The following ATP2B3 variants were observed in gnomAD, a reference collection of about 807,000 sequenced individuals.
The protein encoded by ATP2B3 is plasma membrane calcium-transporting ATPase 3.
A neutral mutation model predicts 70.8 loss-of-function variants in ATP2B3; 12 were observed. That is an observed-to-expected ratio of 0.17 (90% CI 0.11 to 0.27). The LOEUF is 0.27. ATP2B3 is among the 10% of genes least tolerant of loss of function. ATP2B3 has a pLI of 1.00. For missense variants in ATP2B3, 858 were observed against 1,118.5 expected, an observed-to-expected ratio of 0.77 and a Z score of 3.32; for synonymous variants, 460 against 497.8, an observed-to-expected ratio of 0.92 and a Z score of 1.01.
intron 18 of ATP2B3, among the ~76,000 whole-genome samples, 200 bp from the exon 19 acceptor site, chrX:153,560,476 C>T (rs1603100492): frequency 9.0e-6 from 1 of 111,615 alleles, no homozygotes; most frequent in African/African-American, 3.3e-5. Context: ...GGGTCTGGCC[C>T]CTGGCCCAGA....
intron 17 of ATP2B3, chrX:153,559,458 C>T (rs182958872): frequency 8.1e-6 from 3 of 370,687 alleles, no homozygotes; most frequent in East Asian, 8.7e-5. Flanking sequence ...ACCCCATCGT[C>T]GGGCTGTTTT....
intron 3 of ATP2B3, among the ~76,000 whole-genome samples, chrX:153,538,016 G>A (rs951953105): frequency 2.7e-5 from 3 of 112,702 alleles, no homozygotes; most frequent in African/African-American, 9.6e-5. Flanking sequence ...AGTGCAGGGA[G>A]CCGGCCAGGC....
rs781809545 is a variant in ATP2B3 at position 153,550,062 on chromosome X, C to T, written c.1599C>T (p.Gly533=). 5 of 1,210,296 alleles carry T rather than the reference C, an allele frequency of 4.1e-6. No individual in the cohort carries two copies. Among genetic ancestry groups the T allele is most frequent in the Admixed American group, 2.2e-5 (1 of 46,111 alleles). The change falls in exon 12 of 22, where the codon GGC becomes GGT. Residue 533 remains glycine (G), a synonymous_variant. Coordinates refer to ENST00000263519, the MANE Select transcript of ATP2B3 (RefSeq NM_001001344.3). ...TCTTGCAGCCTCCTGAGAAGGAAGG[C>T]GCCCTCCCACGCCAGGTGGGCAATA... ...TTKILPPEKE[G]ALPRQVGNKT... is the part of the protein sequence containing the mutation.
At chrX:153,549,179 G>A (rs1205039149) in intron 10 of ATP2B3, among the ~76,000 whole-genome samples, 1 of 100,301 alleles carries the variant, frequency 1.0e-5, no homozygotes, top group Non-Finnish European at 2.0e-5. Flanking sequence ...GGCAGTGGGA[G>A]GAGGTGGGGG....
At chrX:153,555,873 T>C (rs2090526429) in intron 13 of ATP2B3, among the ~76,000 whole-genome samples, 176 bp from the exon 14 acceptor site, 1 of 112,990 alleles carries the variant, frequency 8.9e-6, no homozygotes, top group Non-Finnish European at 1.9e-5. Flanking sequence ...TTGTGTTCAA[T>C]GCTTTTGCCC....
chrX:153,552,736 A>AAAGCAGGGCGT (rs1557011966), intron 12 of ATP2B3, among the ~76,000 whole-genome samples: 1 of 112,302 alleles, frequency 8.9e-6, no homozygotes, highest in African/African-American at 3.2e-5. Flanking sequence ...CGGAAGTCCA[A>AAAGCAGGGCGT]AAGCAGGGCG....
intron 21 of ATP2B3, among the ~76,000 whole-genome samples, chrX:153,578,597 C>T (rs543614713): frequency 8.9e-6 from 1 of 112,351 alleles, no homozygotes; most frequent in South Asian, 3.7e-4. Context: ...AGTGCCCTGC[C>T]GGAGGGTCAG....
chrX:153,540,118 C>T (rs1311367995), intron 3 of ATP2B3, among the ~76,000 whole-genome samples: 4 of 112,359 alleles, frequency 3.6e-5, no homozygotes, highest in African/African-American at 1.3e-4. Context: ...TCACCGGGTC[C>T]TGTCGGGCAG....
At chrX:153,566,285 T>C (rs1440784934) in intron 21 of ATP2B3, among the ~76,000 whole-genome samples, 9 of 112,297 alleles carry the variant, frequency 8.0e-5, no homozygotes, top group African/African-American at 2.9e-4. Flanking sequence ...CTGACCCTCC[T>C]CCCTGAGGTC....
At chrX:153,518,025 C>G (rs2089902168) in intron 1 of ATP2B3, 150 bp downstream of exon 1, 1 of 110,526 alleles carries the variant, frequency 9.0e-6, no homozygotes, top group Non-Finnish European at 1.9e-5. Context: ...ACCTGAGCCC[C>G]GCGCCGGGCC....
intron 2 of ATP2B3, among the ~76,000 whole-genome samples, chrX:153,530,939 A>T (rs782543832): frequency 2.7e-4 from 30 of 111,992 alleles, no homozygotes; most frequent in African/African-American, 7.5e-4. Context: ...AGCTGCAGCG[A>T]CGGTGCCTCT....
Position 153,553,091 on chromosome X carries a change from G to C in ATP2B3, c.1880G>C (p.Arg627Pro). The C allele has an allele frequency of 5.8e-6, 7 of 1,208,591 alleles. No individual in the cohort carries two copies. The highest frequency in any genetic ancestry group is 7.8e-6 in the Non-Finnish European group (7 of 892,890). The change falls in exon 13 of 22, where the codon CGG becomes CCG. Residue 627 changes from arginine (R) to proline (P), a missense_variant. Around this residue, in one of 5 missense-constraint regions of ATP2B3, gnomAD observed 242 missense variants for 281.3 expected, o/e 0.86. Coordinates refer to ENST00000263519, the MANE Select transcript of ATP2B3 (RefSeq NM_001001344.3). ...CTCCGGGGCTTTCGGCCTCGGGACCGGGACGACATGGTGAGGAAGATCATC... is the reference window on the plus strand; with the variant it reads ...CTCCGGGGCTTTCGGCCTCGGGACCCGGACGACATGGTGAGGAAGATCATC... ...GELRGFRPRDRDDMVRKIIEP... is the reference protein window; with the variant it reads ...GELRGFRPRDPDDMVRKIIEP...
intron 19 of ATP2B3, among the ~76,000 whole-genome samples, chrX:153,561,930 G>A (rs1557016455): frequency 1.8e-5 from 2 of 112,652 alleles, no homozygotes; most frequent in Non-Finnish European, 3.8e-5. Context: ...TCCGAGGCTG[G>A]AGTCAGTAGG....
intron 5 of ATP2B3, 88 bp from the exon 6 acceptor site, chrX:153,542,235 A>T (rs1056215811): frequency 6.4e-5 from 74 of 1,155,946 alleles, no homozygotes; most frequent in Non-Finnish European, 8.1e-5. Flanking sequence ...TCCCTTTCCC[A>T]GGCGGCCCAT....
Position 153,548,772 on chromosome X carries a change from T to C in ATP2B3, c.1256T>C (p.Ile419Thr). Residue 419 changes from isoleucine to threonine, a missense_variant, in exon 10 of 22, where the codon ATC (isoleucine) becomes ACC (threonine). Ile to Thr is a moderately conservative substitution (Grantham distance 89, BLOSUM62 -1). Around this residue, in one of 5 missense-constraint regions of ATP2B3, gnomAD observed 278 missense variants for 366.2 expected, o/e 0.76. Transcript: ENST00000263519. ...VYVQYFVKFFIIGVTVLVVAV... is the reference protein window; with the variant it reads ...VYVQYFVKFFTIGVTVLVVAV... Reference sequence around the variant, plus strand: ...GTACAATACTTCGTGAAGTTCTTCATCATTGGTGTCACTGTGCTGGTCGTG... The same window carrying C: ...GTACAATACTTCGTGAAGTTCTTCACCATTGGTGTCACTGTGCTGGTCGTG... 8.3e-7 allele frequency: 1 copy of C among 1,211,877 alleles called. No individual in the cohort carries two copies. Among genetic ancestry groups the C allele is most frequent in the Middle Eastern group, 2.3e-4 (1 of 4,341 alleles).
At position 153,562,198 on chromosome X, in the gene ATP2B3, C is replaced by T. The variant is rs782241469; in HGVS notation, c.3115C>T (p.Leu1039Phe). 3 of 1,212,133 alleles carry T rather than the reference C, an allele frequency of 2.5e-6. No homozygotes were observed. The highest frequency in any genetic ancestry group is 3.4e-6 in the Non-Finnish European group (3 of 895,508). ...SCSPLSTEQW[L>F]WCLFVGVGEL... is the part of the protein sequence containing the mutation. ...CTCCCCACTATCCACAGAACAGTGG[C>T]TCTGGTGCCTGTTTGTTGGTGTTGG... The change falls in exon 20 of 22, where the codon CTC becomes TTC. Residue 1039 changes from leucine to phenylalanine, a missense_variant. Leu to Phe is a conservative substitution (Grantham distance 22). This residue lies in a region of ATP2B3 where 265 missense variants were observed against 305.3 expected (regional missense o/e 0.87). Transcript: ENST00000263519.
chrX:153,554,532 C>T (rs1035591561), intron 13 of ATP2B3, among the ~76,000 whole-genome samples: 2 of 112,708 alleles, frequency 1.8e-5, no homozygotes, highest in African/African-American at 6.4e-5. Flanking sequence ...CTGGGCAGAC[C>T]CCCACAAAGA....
chrX:153,575,419 G>A (rs1219582161), intron 21 of ATP2B3, among the ~76,000 whole-genome samples: 2 of 112,654 alleles, frequency 1.8e-5, no homozygotes, highest in African/African-American at 6.5e-5. Flanking sequence ...CTGGTGTGGG[G>A]TGCAGCCACA....
rs1168494832 is a variant in ATP2B3 at position 153,560,693 on chromosome X, A to G, written c.2857A>G (p.Ile953Val). The G allele has an allele frequency of 2.8e-5, 34 of 1,210,185 alleles. No individual in the cohort carries two copies. The highest frequency in any genetic ancestry group is 3.5e-5 in the Non-Finnish European group (31 of 895,175). The change falls in exon 19 of 22, where the codon ATC (isoleucine) becomes GTC (valine). Residue 953 changes from isoleucine to valine, a missense_variant. Coordinates refer to ENST00000263519, the MANE Select transcript of ATP2B3 (RefSeq NM_001001344.3). Reference protein sequence around the residue: ...LLFVGELFFDIDSGRNAPLHS... With the variant: ...LLFVGELFFDVDSGRNAPLHS... Reference sequence around the variant, plus strand: ...CTTTCCAGGGGAGCTCTTCTTCGACATCGACAGCGGGAGGAATGCGCCCCT... The same window carrying G: ...CTTTCCAGGGGAGCTCTTCTTCGACGTCGACAGCGGGAGGAATGCGCCCCT...
Sources: allele counts gnomAD v4.1 joint callset (sites outside exome capture counted in the v4.1 genomes callset), GRCh38; gene constraint gnomAD v4.1.1; regional missense constraint gnomAD v4.1.1; transcripts MANE v1.5; gene names NCBI Gene and HGNC (gene_info 2026-07-23, HGNC 2026-07-21).